The following FAXC variants were observed in gnomAD, a reference collection of about 807,000 sequenced individuals.
The protein encoded by FAXC is failed axon connections homolog, metaxin like GST domain containing, also known as failed axon connections homolog.
Under a neutral mutation model 41.9 loss-of-function variants are expected in FAXC, and 10 were observed. The ratio of observed to expected loss-of-function variants is 0.24; its 90% confidence interval spans 0.15 to 0.41. The LOEUF is 0.41. Among genes scored for constraint, FAXC ranks in the 10% least tolerant of loss-of-function variants. The pLI, the probability that FAXC is intolerant of heterozygous loss-of-function variation, is 1.00. For synonymous variants in FAXC, 183 were observed against 183.8 expected, an observed-to-expected ratio of 1.00 and a Z score of 0.03; for missense variants, 399 against 510.9, an observed-to-expected ratio of 0.78 and a Z score of 2.11.
chr6:99,337,081 T>C (rs1291760352), intron 2 of FAXC, among the ~76,000 whole-genome samples: 1 of 152,186 alleles, frequency 6.6e-6, no homozygotes, highest in East Asian at 1.9e-4. Context: ...GTTGAAGTAT[T>C]GCAGGATGAT....
chr6:99,348,678 T>C (rs1233142416), intron 1 of FAXC, among the ~76,000 whole-genome samples: 3 of 152,208 alleles, frequency 2.0e-5, no homozygotes, highest in Non-Finnish European at 4.4e-5. Flanking sequence ...CTTTTGATGT[T>C]GACATTTAGG....
chr6:99,294,690 G>A (rs1239240166), intron 4 of FAXC, among the ~76,000 whole-genome samples: 1 of 152,110 alleles, frequency 6.6e-6, no homozygotes, highest in East Asian at 1.9e-4. Context: ...TAAGGGAAAT[G>A]CCAGAGTCAA....
chr6:99,307,429 G>A (rs1186721522), intron 4 of FAXC, among the ~76,000 whole-genome samples: 1 of 152,162 alleles, frequency 6.6e-6, no homozygotes, highest in Non-Finnish European at 1.5e-5. Context: ...CGGATGAGGT[G>A]AGTGAAAGGC....
intron 4 of FAXC, among the ~76,000 whole-genome samples, chr6:99,307,141 T>C (rs1349572488): frequency 6.6e-6 from 1 of 152,216 alleles, no homozygotes; most frequent in Non-Finnish European, 1.5e-5. Context: ...GGAATGCTTT[T>C]GAATGGTAGG....
chr6:99,281,707 T>A (rs1000113142), intron 5 of FAXC, among the ~76,000 whole-genome samples: 5 of 152,198 alleles, frequency 3.3e-5, no homozygotes, highest in Admixed American at 6.5e-5. Context: ...GACAGCACTG[T>A]GTCCAGGAAG....
intron 2 of FAXC, among the ~76,000 whole-genome samples, chr6:99,339,047 T>A (rs1773321389): frequency 6.6e-6 from 1 of 152,158 alleles, no homozygotes; most frequent in South Asian, 2.1e-4. Flanking sequence ...CAGCATTGCC[T>A]TAGAAGGATC....
chr6:99,304,185 C>T (rs78015194), intron 4 of FAXC, among the ~76,000 whole-genome samples: 7,266 of 152,156 alleles, frequency 0.048, 472 homozygotes, highest in East Asian at 0.34. Flanking sequence ...AGTCAGGAGG[C>T]TGAGGCAGGA....
chr6:99,287,107 A>T (rs1298184432), intron 5 of FAXC, among the ~76,000 whole-genome samples: 1 of 152,210 alleles, frequency 6.6e-6, no homozygotes, highest in Non-Finnish European at 1.5e-5. Flanking sequence ...CCACAAGTCC[A>T]GAAATAGATT....
intron 4 of FAXC, among the ~76,000 whole-genome samples, chr6:99,295,132 TC>T (rs1253694756): frequency 6.6e-6 from 1 of 152,090 alleles, no homozygotes; most frequent in Admixed American, 6.5e-5. Flanking sequence ...AGAACAGAAA[TC>T]AGGTGTTTTC....
At chr6:99,312,150 G>A (rs559264235) in intron 4 of FAXC, among the ~76,000 whole-genome samples, 1 of 152,316 alleles carries the variant, frequency 6.6e-6, no homozygotes, top group East Asian at 1.9e-4. Context: ...GCACTCAGTT[G>A]GGCTCTCAAG....
In FAXC at chr6:99,276,991, C is replaced by G. The variant is rs758422796; in HGVS notation, c.*4173G>C. The G allele has an allele frequency of 6.6e-6, 1 of 152,218 alleles. No homozygotes were observed. Among genetic ancestry groups the G allele is most frequent in the Non-Finnish European group, 1.5e-5 (1 of 68,050 alleles). The allele number at this position is 152,218 out of a possible 1,614,324, so 9.4% of individuals were successfully genotyped here. A position where few individuals can be genotyped will look rare whatever the true frequency, so the allele number is the denominator to read the frequency against. On this transcript the variant is annotated 3_prime_UTR_variant, in exon 6 of 6. Coordinates refer to ENST00000389677, the MANE Select transcript of FAXC (RefSeq NM_032511.4). ...GAAGAGATTATAATCAGCTGGGAAG[C>G]CTTCATGTGAAGCTGACGAAGTCAG...
At chr6:99,337,753 TAG>T (rs1432043412) in intron 2 of FAXC, among the ~76,000 whole-genome samples, 1 of 152,212 alleles carries the variant, frequency 6.6e-6, no homozygotes, top group Non-Finnish European at 1.5e-5. Context: ...CATATCTTGA[TAG>T]AGAAAAATAA....
intron 4 of FAXC, among the ~76,000 whole-genome samples, chr6:99,317,072 A>G (rs1377386749): frequency 6.6e-6 from 1 of 152,142 alleles, no homozygotes; most frequent in Non-Finnish European, 1.5e-5. Flanking sequence ...CTGAAAAATA[A>G]TGACTCCGCA....
rs1554201375 is a variant in FAXC, at chr6:99,318,306, C to CAAAAAAAA, written c.823+5137_823+5138insTTTTTTTT. 4.4e-3 allele frequency among the ~76,000 whole-genome samples: 589 copies of CAAAAAAAA among 135,298 alleles called. 12 individuals are homozygous for CAAAAAAAA. Among genetic ancestry groups the CAAAAAAAA allele is most frequent in the South Asian group, 6.4e-3 (26 of 4,088 alleles). 88.8% of individuals were successfully genotyped at this position (135,298 alleles called of 152,430 possible). ...ACACACACACACACACACACACACA[C>CAAAAAAAA]AAAATAGAAGAAATGGAAAATATAT... On this transcript the variant is annotated intron_variant, in intron 4 of 5. Transcript: ENST00000389677.
At chr6:99,331,008 G>GC (rs1454175998) in intron 3 of FAXC, among the ~76,000 whole-genome samples, 1 of 152,168 alleles carries the variant, frequency 6.6e-6, no homozygotes, top group Non-Finnish European at 1.5e-5. Flanking sequence ...TTTCCCCAAA[G>GC]CAAGAAGTTG....
intron 4 of FAXC, among the ~76,000 whole-genome samples, chr6:99,318,074 C>T (rs1469802879): frequency 5.3e-5 from 8 of 152,048 alleles, no homozygotes; most frequent in Admixed American, 3.3e-4. Flanking sequence ...CTGGCTAACA[C>T]GGTGAAAGCC....
chr6:99,325,979 C>G (rs570045898), intron 3 of FAXC, among the ~76,000 whole-genome samples: 4 of 152,146 alleles, frequency 2.6e-5, no homozygotes, highest in African/African-American at 7.2e-5. Context: ...TGAAGGTGTA[C>G]GCATGAAGAG....
intron 3 of FAXC, among the ~76,000 whole-genome samples, chr6:99,324,397 G>GT (rs1772716444): frequency 6.6e-6 from 1 of 152,044 alleles, no homozygotes; most frequent in Non-Finnish European, 1.5e-5. Flanking sequence ...GCATTAGGGA[G>GT]TAAGTGCACC....
upstream of FAXC, among the ~76,000 whole-genome samples, chr6:99,349,861 C>T (rs947907338): frequency 3.3e-5 from 5 of 152,020 alleles, no homozygotes; most frequent in Admixed American, 2.0e-4. Context: ...TCGCCGCGCG[C>T]GGGCAAGGGC....
Sources: allele counts gnomAD v4.1 joint callset (sites outside exome capture counted in the v4.1 genomes callset), GRCh38; gene constraint gnomAD v4.1.1; transcripts MANE v1.5; gene names NCBI Gene and HGNC (gene_info 2026-07-23, HGNC 2026-07-21).